The following LRRIQ3 variants were observed in gnomAD, a reference collection of about 807,000 sequenced individuals.
The protein encoded by LRRIQ3 is leucine-rich repeat and IQ domain-containing protein 3.
LRRIQ3 carries 75 observed loss-of-function variants against 59.3 expected under a neutral mutation model. The observed-to-expected ratio is 1.26, with a 90% CI of 1.05 to 1.53. LRRIQ3 has a LOEUF of 1.53. Ranked by LOEUF, LRRIQ3 falls within the 40% of genes most tolerant of loss-of-function variation. LRRIQ3 has a pLI of 0.00. For missense variants in LRRIQ3, 831 were observed against 710.0 expected, an observed-to-expected ratio of 1.17 and a Z score of -1.94; for synonymous variants, 250 against 231.3, an observed-to-expected ratio of 1.08 and a Z score of -0.73.
intron 5 of LRRIQ3, among the ~76,000 whole-genome samples, chr1:74,095,523 C>T (rs1646439684): frequency 6.6e-6 from 1 of 151,986 alleles, no homozygotes; most frequent in Non-Finnish European, 1.5e-5. Context: ...GTGTTGTGAA[C>T]TATTATAACT....
At chr1:74,060,173 CTTCTTCTTCTTCTTT>C (rs1393398455) in intron 6 of LRRIQ3, among the ~76,000 whole-genome samples, 1 of 142,608 alleles carries the variant, frequency 7.0e-6, no homozygotes, top group East Asian at 2.0e-4. Context: ...TCGTCGTCAT[CTTCTTCTTCTTCTTT>C]TTCTTCTTCT....
At chr1:74,110,585 T>C (rs1490894501) in intron 4 of LRRIQ3, among the ~76,000 whole-genome samples, 1 of 152,016 alleles carries the variant, frequency 6.6e-6, no homozygotes, top group Non-Finnish European at 1.5e-5. Context: ...TTCTGAGTGA[T>C]AAAATAATCG....
intron 6 of LRRIQ3, among the ~76,000 whole-genome samples, chr1:74,068,963 C>T (rs1310746134): frequency 1.3e-5 from 2 of 151,966 alleles, no homozygotes; most frequent in African/African-American, 4.8e-5. Flanking sequence ...ACCATAAAAT[C>T]ACCTTTAGAG....
At chr1:74,179,739 T>C (rs1326768950) in intron 3 of LRRIQ3, among the ~76,000 whole-genome samples, 1 of 152,000 alleles carries the variant, frequency 6.6e-6, no homozygotes, top group East Asian at 1.9e-4. Context: ...GCCTCAAAAA[T>C]TGTTATTCAA....
At chr1:74,030,784 T>A (rs1332612925) in intron 7 of LRRIQ3, among the ~76,000 whole-genome samples, 2 of 152,036 alleles carry the variant, frequency 1.3e-5, no homozygotes, top group African/African-American at 4.8e-5. Context: ...ACTAAAGAGC[T>A]TCTGCACAGC....
intron 5 of LRRIQ3, among the ~76,000 whole-genome samples, chr1:74,075,047 G>C (rs1646187618): frequency 1.3e-5 from 2 of 152,098 alleles, no homozygotes; most frequent in Admixed American, 1.3e-4. Context: ...GACCTGCCAG[G>C]AAAGTGCTGT....
At chr1:74,074,433 A>G (rs1646178192) in intron 6 of LRRIQ3, among the ~76,000 whole-genome samples, 1 of 152,076 alleles carries the variant, frequency 6.6e-6, no homozygotes. Context: ...CTACTCCCCT[A>G]TGAAGATAAT....
intron 6 of LRRIQ3, among the ~76,000 whole-genome samples, chr1:74,072,067 T>C (rs1209855592): frequency 6.6e-6 from 1 of 152,102 alleles, no homozygotes; most frequent in African/African-American, 2.4e-5. Flanking sequence ...ACAAATCATA[T>C]ATTACTTTTA....
At chr1:74,120,014 T>C (rs569471294) in intron 4 of LRRIQ3, among the ~76,000 whole-genome samples, 2 of 152,136 alleles carry the variant, frequency 1.3e-5, no homozygotes, top group Non-Finnish European at 2.9e-5. Flanking sequence ...TTATTTGTAT[T>C]ATACTGAATT....
At position 74,163,677 on chromosome 1, in the gene LRRIQ3, T is replaced by A. The variant is rs1648792281; in HGVS notation, c.574-7811A>T. Among the ~76,000 whole-genome samples the A allele has an allele frequency of 2.6e-5, 4 of 151,518 alleles. No individual in the cohort carries two copies. The South Asian group carries it at 8.3e-4, about 31-fold the overall frequency. On this transcript the variant is annotated intron_variant, in intron 3 of 7. Transcript: ENST00000354431. ...TCACTCATTGAAGGACATCTAGGTA[T>A]TTTCCAGTTCGGGGCCATTACCAAT...
intron 6 of LRRIQ3, among the ~76,000 whole-genome samples, chr1:74,052,175 C>T (rs533411363): frequency 6.6e-6 from 1 of 152,160 alleles, no homozygotes; most frequent in African/African-American, 2.4e-5. Context: ...TGAGTTCCAC[C>T]AGGACCGCGC....
chr1:74,054,785 AATACACACATACATACATACAT>A (rs1475052131), intron 6 of LRRIQ3, among the ~76,000 whole-genome samples: 1 of 146,750 alleles, frequency 6.8e-6, no homozygotes, highest in Non-Finnish European at 1.5e-5. Flanking sequence ...CATACATATA[AATACACACATACATACATACAT>A]ATACACACAT....
intron 4 of LRRIQ3, among the ~76,000 whole-genome samples, chr1:74,127,606 G>T (rs890761876): frequency 6.6e-6 from 1 of 151,546 alleles, no homozygotes. Context: ...ATAAAAATTC[G>T]ACACTGGACT....
At chr1:74,149,833 T>G (rs947127250) in intron 4 of LRRIQ3, among the ~76,000 whole-genome samples, 4 of 152,224 alleles carry the variant, frequency 2.6e-5, no homozygotes, top group African/African-American at 9.6e-5. Context: ...TCTTTTGCTT[T>G]CAAATATTCT....
intron 1 of LRRIQ3, among the ~76,000 whole-genome samples, chr1:74,185,733 G>A (rs1479558261): frequency 6.6e-6 from 1 of 151,842 alleles, no homozygotes; most frequent in African/African-American, 2.4e-5. Context: ...TACCAGGTCA[G>A]GAGATCAAGA....
At chr1:74,186,520 A>T (rs1420175497) in intron 1 of LRRIQ3, among the ~76,000 whole-genome samples, 1 of 152,190 alleles carries the variant, frequency 6.6e-6, no homozygotes, top group Non-Finnish European at 1.5e-5. Context: ...GAACCTGATA[A>T]AATAACATTG....
At chr1:74,180,623 A>T in intron 3 of LRRIQ3, 1 of 1,190,014 alleles carries the variant, frequency 8.4e-7, no homozygotes, top group Non-Finnish European at 1.2e-6. Context: ...TCCTCTTTCC[A>T]CACTCAGTGT....
intron 4 of LRRIQ3, among the ~76,000 whole-genome samples, chr1:74,133,038 T>A (rs1327473839): frequency 2.0e-5 from 3 of 151,936 alleles, no homozygotes; most frequent in African/African-American, 7.3e-5. Context: ...AACAATCCCA[T>A]CAAAAAGTGG....
chr1:74,033,641 G>A (rs1653784447), intron 7 of LRRIQ3, among the ~76,000 whole-genome samples: 2 of 152,020 alleles, frequency 1.3e-5, no homozygotes, highest in Non-Finnish European at 2.9e-5. Context: ...CAAAAATGTT[G>A]ATATTAGGTA....
Sources: gnomAD v4.1 joint callset for allele counts (sites outside exome capture counted in the v4.1 genomes callset) on GRCh38, gnomAD v4.1.1 for gene constraint, MANE v1.5 for transcripts, NCBI Gene and HGNC (gene_info 2026-07-23, HGNC 2026-07-21) for gene names.